TXNL1: variants seen among roughly 807,000 people sequenced by gnomAD.
TXNL1 encodes thioredoxin-like protein 1.
TXNL1 carries 14 observed loss-of-function variants against 35.5 expected under a neutral mutation model. The observed-to-expected ratio is 0.39, with a 90% confidence interval of 0.26 to 0.62. The LOEUF (loss-of-function observed/expected upper bound fraction) is 0.62. TXNL1 is among the 20% of genes least tolerant of loss of function. The pLI is 0.47. For missense variants in TXNL1, 263 were observed against 349.7 expected (o/e 0.75, Z 1.98); for synonymous variants, 110 against 115.5 (o/e 0.95, Z 0.31).
chr18:56,621,293 C>T (rs2024179340), intron 3 of TXNL1, among the ~76,000 whole-genome samples: 1 of 151,780 alleles, frequency 6.6e-6, no homozygotes, highest in South Asian at 2.1e-4. Flanking sequence ...GCAACCTCCG[C>T]CTCCTGCAAT....
At chr18:56,628,427 A>T (rs1055065262) in intron 1 of TXNL1, among the ~76,000 whole-genome samples, 1 of 152,128 alleles carries the variant, frequency 6.6e-6, no homozygotes, top group Non-Finnish European at 1.5e-5. Context: ...AATCAGAAAC[A>T]ATTAAATTCT....
intron 1 of TXNL1, among the ~76,000 whole-genome samples, chr18:56,629,878 A>G (rs1187196363): frequency 1.3e-5 from 2 of 152,120 alleles, no homozygotes; most frequent in African/African-American, 4.8e-5. Flanking sequence ...AACCCATGCA[A>G]TTTTGTAACA....
intron 1 of TXNL1, among the ~76,000 whole-genome samples, chr18:56,635,491 T>C (rs1264830812): frequency 2.0e-5 from 3 of 152,194 alleles, no homozygotes; most frequent in Admixed American, 2.0e-4. Flanking sequence ...AATACTATGC[T>C]AAGTGAAGTC....
rs754654645 is a variant in TXNL1 at position 56,630,893 on chromosome 18, C to CT, written c.99-4437dup. Among the ~76,000 whole-genome samples, 281 of 142,706 alleles carry CT rather than the reference C, an allele frequency of 2.0e-3. 6 individuals carry two copies. The highest frequency in any genetic ancestry group is 0.015 in the Admixed American group (217 of 14,250). The allele number at this position is 142,706 out of a possible 152,430, so 93.6% of individuals were successfully genotyped here. On this transcript the variant is annotated intron_variant, in intron 1 of 7. Coordinates refer to ENST00000217515, the MANE Select transcript of TXNL1 (RefSeq NM_004786.3). ...AAATAAATCGATCATTTTCTTTTTTCTTTTTTTTTTTAGGGTTTCACTCTG... is the reference window on the plus strand; with the variant it reads ...AAATAAATCGATCATTTTCTTTTTTCTTTTTTTTTTTTAGGGTTTCACTCTG...
chr18:56,619,574 A>G (rs946053431), intron 3 of TXNL1, among the ~76,000 whole-genome samples: 1 of 150,998 alleles, frequency 6.6e-6, no homozygotes, highest in Non-Finnish European at 1.5e-5. Context: ...TATTTGGTTA[A>G]TATGTCTCTG....
chr18:56,634,543 G>C (rs139512440), intron 1 of TXNL1, among the ~76,000 whole-genome samples: 57 of 152,244 alleles, frequency 3.7e-4, no homozygotes, highest in African/African-American at 1.3e-3. Flanking sequence ...TGGGAAAAGG[G>C]TGCTGATCAT....
intron 3 of TXNL1, among the ~76,000 whole-genome samples, chr18:56,620,592 A>C (rs1598918382): frequency 1.3e-5 from 2 of 152,314 alleles, no homozygotes; most frequent in South Asian, 4.1e-4. Flanking sequence ...TGCTTCTAGT[A>C]GAGTTGATTT....
chr18:56,625,414 C>T (rs1239457301), intron 2 of TXNL1, among the ~76,000 whole-genome samples: 1 of 152,072 alleles, frequency 6.6e-6, no homozygotes, highest in African/African-American at 2.4e-5. Context: ...CAATATTTTA[C>T]ATTTTTTATA....
At chr18:56,624,150 A>G (rs556342302) in intron 3 of TXNL1, 138 bp downstream of exon 3, 20 of 928,578 alleles carry the variant, frequency 2.2e-5, no homozygotes, top group Non-Finnish European at 2.6e-5. Context: ...GTCAGCTAAT[A>G]AATTTGAAAG....
chr18:56,626,484 A>G (rs997814695), intron 1 of TXNL1, 27 bp from the exon 2 acceptor site: 1 of 1,560,092 alleles, frequency 6.4e-7, no homozygotes, highest in Non-Finnish European at 8.8e-7. Context: ...ATTAAGTAAA[A>G]TAACACTAAA....
intron 1 of TXNL1, among the ~76,000 whole-genome samples, chr18:56,635,150 T>C (rs763488570): frequency 1.1e-4 from 16 of 152,120 alleles, no homozygotes; most frequent in Middle Eastern, 3.4e-3. Context: ...CCCATTTACT[T>C]GAGAGGCTGA....
chr18:56,612,015 A>ATTTT (rs1217872694), intron 6 of TXNL1, among the ~76,000 whole-genome samples: 2 of 105,474 alleles, frequency 1.9e-5, no homozygotes, highest in Admixed American at 8.9e-5. Context: ...CGCCCGGCTA[A>ATTTT]TCTTTTTTTT....
intron 7 of TXNL1, among the ~76,000 whole-genome samples, chr18:56,606,771 T>G (rs566346055): frequency 6.6e-6 from 1 of 152,256 alleles, no homozygotes; most frequent in South Asian, 2.1e-4. Context: ...TCTACAAGAA[T>G]ATAAACTGCT....
At chr18:56,609,944 G>A (rs192830981) in intron 7 of TXNL1, 1 of 152,288 alleles carries the variant, frequency 6.6e-6, no homozygotes, top group African/African-American at 2.4e-5. Context: ...TTTGCAATTT[G>A]GTAAAAACAG....
At chr18:56,631,343 T>C (rs1430468876) in intron 1 of TXNL1, among the ~76,000 whole-genome samples, 1 of 152,214 alleles carries the variant, frequency 6.6e-6, no homozygotes, top group Non-Finnish European at 1.5e-5. Flanking sequence ...GCACCCAGTA[T>C]GCTTGAATTT....
At chr18:56,638,176 G>C (rs892070495) in intron 1 of TXNL1, among the ~76,000 whole-genome samples, 167 bp downstream of exon 1, 1 of 152,320 alleles carries the variant, frequency 6.6e-6, no homozygotes, top group East Asian at 1.9e-4. Context: ...GTGCATAAAT[G>C]GGGGTTCACA....
At chr18:56,628,210 A>G (rs1047820643) in intron 1 of TXNL1, among the ~76,000 whole-genome samples, 1 of 152,180 alleles carries the variant, frequency 6.6e-6, no homozygotes, top group Non-Finnish European at 1.5e-5. Context: ...AATAGCTACA[A>G]GAAGAATTAA....
At chr18:56,620,301 T>G (rs2024160240) in intron 3 of TXNL1, among the ~76,000 whole-genome samples, 1 of 152,252 alleles carries the variant, frequency 6.6e-6, no homozygotes, top group Admixed American at 6.5e-5. Context: ...TACTAACACT[T>G]TATTTAAAAA....
At chr18:56,627,973 T>G (rs757590728) in intron 1 of TXNL1, among the ~76,000 whole-genome samples, 16 of 151,570 alleles carry the variant, frequency 1.1e-4, no homozygotes, top group Non-Finnish European at 1.6e-4. Flanking sequence ...GCAAAACATA[T>G]CAAACAAAGG....
Sources: allele counts gnomAD v4.1 joint callset (sites outside exome capture counted in the v4.1 genomes callset), GRCh38; gene constraint gnomAD v4.1.1; transcripts MANE v1.5; gene names NCBI Gene and HGNC (gene_info 2026-07-23, HGNC 2026-07-21).